DNAH9: variants seen among roughly 807,000 people sequenced by gnomAD.
DNAH9 encodes DNAH9 variant protein.
Under a neutral mutation model 471.6 loss-of-function variants are expected in DNAH9, and 345 were observed. The ratio of observed to expected loss-of-function variants is 0.73; its 90% confidence interval spans 0.67 to 0.80. DNAH9 has a LOEUF of 0.80. Among genes scored for constraint, DNAH9 ranks in the 30% least tolerant of loss-of-function variants. The probability of loss-of-function intolerance (pLI) is 0.00; values close to 1 mark genes in which losing one functional copy is unlikely to be tolerated. For missense variants in DNAH9, 5,407 were observed against 5,609.2 expected, an observed-to-expected ratio of 0.96 and a Z score of 1.15; for synonymous variants, 2,093 against 2,123.6, an observed-to-expected ratio of 0.99 and a Z score of 0.40.
At chr17:11,874,499 G>A (rs1434916548) in intron 52 of DNAH9, among the ~76,000 whole-genome samples, 2 of 152,154 alleles carry the variant, frequency 1.3e-5, no homozygotes, top group African/African-American at 4.8e-5. Context: ...ACAGAGGAGA[G>A]GAAAGAGTGG....
intron 48 of DNAH9, among the ~76,000 whole-genome samples, chr17:11,833,786 G>A (rs2150952626): frequency 6.6e-6 from 1 of 152,202 alleles, no homozygotes; most frequent in African/African-American, 2.4e-5. Context: ...ATGGATCAGA[G>A]GTCAGTTTTT....
chr17:11,857,935 A>G (rs1167622752), intron 50 of DNAH9, among the ~76,000 whole-genome samples: 1 of 152,150 alleles, frequency 6.6e-6, no homozygotes, highest in Non-Finnish European at 1.5e-5. Context: ...TGCCAGCAGT[A>G]TGCTTCCTAT....
chr17:11,784,899 C>CATTG (rs952658467), intron 41 of DNAH9, among the ~76,000 whole-genome samples: 6 of 152,020 alleles, frequency 3.9e-5, no homozygotes, highest in Admixed American at 1.3e-4. Context: ...TTGGATCTCC[C>CATTG]ATTGGTACAC....
At chr17:11,643,865 C>G (rs149068299) in intron 10 of DNAH9, among the ~76,000 whole-genome samples, 1 of 152,154 alleles carries the variant, frequency 6.6e-6, no homozygotes, top group Non-Finnish European at 1.5e-5. Flanking sequence ...GCAATTGTAG[C>G]ACTATACTAA....
At chr17:11,941,747 T>TAGTGA (rs1205188017) in intron 66 of DNAH9, among the ~76,000 whole-genome samples, 1 of 151,326 alleles carries the variant, frequency 6.6e-6, no homozygotes, top group Non-Finnish European at 1.5e-5. Flanking sequence ...TAGTGATAGA[T>TAGTGA]TAGATAGATG....
chr17:11,877,215 G>A (rs916212892), intron 53 of DNAH9, among the ~76,000 whole-genome samples: 1 of 151,564 alleles, frequency 6.6e-6, no homozygotes, highest in Non-Finnish European at 1.5e-5. Flanking sequence ...GCTCGAGCCT[G>A]TAATCATAGC....
intron 36 of DNAH9, 67 bp from the exon 37 acceptor site, chr17:11,768,386 G>A (rs745736127): frequency 1.9e-5 from 29 of 1,509,496 alleles, no homozygotes; most frequent in African/African-American, 6.9e-5. Context: ...ATCTGACGCC[G>A]TGGCCTCCTG....
chr17:11,948,292 G>A (rs1172454436), intron 67 of DNAH9, among the ~76,000 whole-genome samples: 1 of 133,024 alleles, frequency 7.5e-6, no homozygotes, highest in Non-Finnish European at 1.5e-5. Flanking sequence ...GCAGTGACAC[G>A]ATCTCGGCTC....
intron 28 of DNAH9, among the ~76,000 whole-genome samples, chr17:11,733,879 A>AAAG (rs57319979): frequency 6.7e-6 from 1 of 149,950 alleles, no homozygotes; most frequent in Non-Finnish European, 1.5e-5. Context: ...AAAAAAAAAA[A>AAAG]GTAAAACCTG....
chr17:11,769,417 C>T, intron 38 of DNAH9, 88 bp downstream of exon 38: 1 of 1,234,390 alleles, frequency 8.1e-7, no homozygotes, highest in South Asian at 1.3e-5. Flanking sequence ...AGGTGCCTGC[C>T]TGACTTGAGT....
In DNAH9 at chr17:11,905,805, T is replaced by C; in HGVS notation, c.11745T>C (p.Ser3915=). ...PGVDPLKDVE[S]QGRKLGYTFN... is the part of the protein sequence containing the mutation. The stretch of plus-strand genomic sequence containing the variant: ...TGGACCCACTGAAGGATGTAGAAAG[T>C]CAAGGTGAGAAAGGCGTCCTCTTGG... Residue 3915 remains serine (S), a synonymous_variant, in exon 61 of 69, where the codon AGT becomes AGC. Transcript: ENST00000262442. 3.1e-6 allele frequency: 5 copies of C among 1,603,034 alleles called. No individual in the cohort carries two copies. Among genetic ancestry groups the C allele is most frequent in the Non-Finnish European group, 4.3e-6 (5 of 1,173,134 alleles).
rs1233545856 is a variant in DNAH9, at chr17:11,699,883, G to A, written c.5025G>A (p.Gln1675=). 3 of 1,613,906 alleles carry A rather than the reference G, an allele frequency of 1.9e-6. No homozygotes were observed. Among genetic ancestry groups the A allele is most frequent in the African/African-American group, 2.7e-5 (2 of 74,906 alleles). The change falls in exon 23 of 69, where the codon CAG becomes CAA. Residue 1675 remains glutamine, a splice_region_variant and synonymous_variant. Coordinates refer to ENST00000262442, the MANE Select transcript of DNAH9 (RefSeq NM_001372.4). ...AFSEPCDCSG[Q]VEIWLNHVLG... is the part of the protein sequence containing the mutation. ...GTGAGCCCTGTGACTGCAGCGGGCAGGTAACACAGTAGCCCTTTCCCCTCC... is the reference window on the plus strand; with the variant it reads ...GTGAGCCCTGTGACTGCAGCGGGCAAGTAACACAGTAGCCCTTTCCCCTCC...
Position 11,937,364 on chromosome 17 carries a change from G to A in DNAH9, c.12502G>A (p.Glu4168Lys), listed in dbSNP as rs766321592. Residue 4168 changes from glutamate to lysine, a missense_variant, in exon 66 of 69, where the codon GAG (glutamate) becomes AAG (lysine). Glu to Lys is a moderately conservative substitution (Grantham distance 56). This residue lies in a region of DNAH9 where 4,636 missense variants were observed against 4,900.3 expected (regional missense o/e 0.95). Coordinates refer to ENST00000262442, the MANE Select transcript of DNAH9 (RefSeq NM_001372.4). The surrounding 1 kb of genome is among the most constrained non-coding windows in gnomAD (Gnocchi z 4.1). The stretch of plus-strand genomic sequence containing the variant: ...CCTTGATTTTCAGTACATCGATGCT[G>A]AGCTGCCCCCAGAATCCCCCTACCT... ...YNGYHQYIDA[E>K]LPPESPYLYG... The A allele has an allele frequency of 1.6e-5, 25 of 1,609,432 alleles. No homozygotes were observed. The highest frequency in any genetic ancestry group is 2.0e-5 in the Non-Finnish European group (24 of 1,178,010).
chr17:11,685,133 G>A (rs1435972777), intron 19 of DNAH9, among the ~76,000 whole-genome samples: 1 of 152,104 alleles, frequency 6.6e-6, no homozygotes, highest in Non-Finnish European at 1.5e-5. Flanking sequence ...GAGCAATAAG[G>A]CATGCACATT....
In DNAH9 at chr17:11,898,705, G is replaced by T. The variant is rs77966531; in HGVS notation, c.11407-4014G>T. Among the ~76,000 whole-genome samples the T allele has an allele frequency of 1.3e-5, 2 of 152,312 alleles. 1 individual carries two copies. The highest frequency in any genetic ancestry group is 1.3e-4 in the Admixed American group (2 of 15,290). On this transcript the variant is annotated intron_variant, in intron 59 of 68. Transcript: ENST00000262442. ...GAAAAACTTTCAGGAACTGTGAGTT[G>T]TGCAGTTTGGACCAAGTCCAGTTGC...
chr17:11,797,649 T>C lies in DNAH9; in HGVS notation c.8276T>C (p.Phe2759Ser). Residue 2759 changes from phenylalanine (F) to serine (S), a missense_variant, in exon 43 of 69, where the codon TTT (phenylalanine) becomes TCT (serine). Physicochemically the swap from Phe to Ser is radical, Grantham distance 155. Transcript: ENST00000262442. ...CAAAGCCCGAACCTGTATTGTCACT[T>C]TGCAAATGGTATTGGGGAGCCCAAA... ...QTQSPNLYCHFANGIGEPKYM... is the reference protein window; with the variant it reads ...QTQSPNLYCHSANGIGEPKYM... The C allele has an allele frequency of 6.2e-7, 1 of 1,614,172 alleles. No homozygotes were observed. The highest frequency in any genetic ancestry group is 8.5e-7 in the Non-Finnish European group (1 of 1,180,034).
At chr17:11,831,549 C>T (rs1970684430) in intron 48 of DNAH9, among the ~76,000 whole-genome samples, 1 of 152,058 alleles carries the variant, frequency 6.6e-6, no homozygotes, top group African/African-American at 2.4e-5. Context: ...GTCAAATATC[C>T]AGACTATAAC....
intron 28 of DNAH9, among the ~76,000 whole-genome samples, chr17:11,730,087 T>C (rs1349916393): frequency 6.6e-6 from 1 of 152,224 alleles, no homozygotes; most frequent in Non-Finnish European, 1.5e-5. Context: ...AACGTGAGGC[T>C]CTTCCCTGGT....
chr17:11,738,692 T>G (rs1221386889), intron 28 of DNAH9, among the ~76,000 whole-genome samples, 188 bp from the exon 29 acceptor site: 1 of 152,312 alleles, frequency 6.6e-6, no homozygotes, highest in African/African-American at 2.4e-5. Context: ...TGGCCAGATT[T>G]CTTTTAGACA....
Sources: gnomAD v4.1 joint callset for allele counts (sites outside exome capture counted in the v4.1 genomes callset) on GRCh38, gnomAD v4.1.1 for gene constraint, gnomAD v4.1.1 regional missense constraint, Gnocchi (gnomAD v3.1) non-coding constraint, MANE v1.5 for transcripts, NCBI Gene and HGNC (gene_info 2026-07-23, HGNC 2026-07-21) for gene names.